CCDC178: variants seen among roughly 807,000 people sequenced by gnomAD.
The protein encoded by CCDC178 is coiled-coil domain containing 178, also known as coiled-coil domain-containing protein 178.
CCDC178 carries 126 observed loss-of-function variants against 117.4 expected under a neutral mutation model. That is an observed-to-expected ratio of 1.07 (90% CI 0.93 to 1.24). The LOEUF is 1.24. Among genes scored for constraint, CCDC178 ranks in the 50% most tolerant of loss-of-function variants. CCDC178 has a pLI of 0.00. For missense variants in CCDC178, 1,030 were observed against 986.9 expected, an observed-to-expected ratio of 1.04 and a Z score of -0.59; for synonymous variants, 283 against 313.4, an observed-to-expected ratio of 0.90 and a Z score of 1.02.
At chr18:33,206,218 A>G (rs970138572) in intron 20 of CCDC178, among the ~76,000 whole-genome samples, 6 of 152,182 alleles carry the variant, frequency 3.9e-5, no homozygotes, top group African/African-American at 1.4e-4. Flanking sequence ...TGCGATCACT[A>G]TATATTTAAA....
chr18:33,434,781 A>C (rs542474000), intron 2 of CCDC178, among the ~76,000 whole-genome samples: 1 of 152,214 alleles, frequency 6.6e-6, no homozygotes, highest in East Asian at 1.9e-4. Flanking sequence ...AATGATTCCC[A>C]TCATCATAAG....
intron 6 of CCDC178, among the ~76,000 whole-genome samples, chr18:33,358,326 G>A (rs554634363): frequency 4.0e-5 from 6 of 151,876 alleles, no homozygotes; most frequent in East Asian, 3.9e-4. Context: ...ATATGGAAGA[G>A]CACTGCATCA....
In CCDC178 at chr18:33,266,958, A is replaced by T. The variant is rs781169337; in HGVS notation, c.1367T>A (p.Leu456His). The T allele has an allele frequency of 2.9e-5, 46 of 1,589,708 alleles. No individual in the cohort carries two copies. The South Asian group carries it at 4.8e-4, about 16-fold the overall frequency. ...TGTTATTTTGTTAATATCAATCTCA[A>T]GTTTTTTATTGTCTTCCGTCAGTTT... ...CTKLTEDNKK[L>H]EIDINKITVK... Residue 456 changes from leucine (L) to histidine (H), a missense_variant, in exon 14 of 23, where the codon CTT becomes CAT. Leu to His is a moderately conservative substitution (Grantham distance 99). Coordinates refer to ENST00000383096, the MANE Select transcript of CCDC178 (RefSeq NM_001105528.4).
intron 3 of CCDC178, among the ~76,000 whole-genome samples, chr18:33,408,723 C>A (rs1165920456): frequency 6.6e-6 from 1 of 152,092 alleles, no homozygotes; most frequent in Non-Finnish European, 1.5e-5. Flanking sequence ...AAAATTCATT[C>A]TCTGCCTGTT....
chr18:33,266,909 A>C lies in CCDC178; in HGVS notation c.1409+7T>G. On this transcript the variant is annotated splice_region_variant and intron_variant, in intron 14 of 22. Transcript: ENST00000383096. ...GTATATAAGAAGAAAAGTATTTGCA[A>C]ATTTACCTTTCATTGGTTTTTACTG... The C allele has an allele frequency of 1.9e-6, 3 of 1,551,976 alleles. No homozygotes were observed. Among genetic ancestry groups the C allele is most frequent in the Non-Finnish European group, 2.6e-6 (3 of 1,147,134 alleles).
At chr18:32,965,102 CA>C (rs1337305799) in intron 22 of CCDC178, among the ~76,000 whole-genome samples, 1 of 151,890 alleles carries the variant, frequency 6.6e-6, no homozygotes, top group Non-Finnish European at 1.5e-5. Context: ...ATTTACCTAA[CA>C]AATGAATTGT....
chr18:33,179,963 T>C (rs987100008), intron 20 of CCDC178, among the ~76,000 whole-genome samples: 9 of 152,014 alleles, frequency 5.9e-5, no homozygotes, highest in African/African-American at 2.2e-4. Flanking sequence ...ATAAATATAT[T>C]ACGCTGCAAA....
rs538701848 is a variant in CCDC178, at chr18:33,097,537, G to A, written c.2239-4627C>T. Among the ~76,000 whole-genome samples, 12 of 152,158 alleles carry A rather than the reference G, an allele frequency of 7.9e-5. No homozygotes were observed. The South Asian group carries it at 2.5e-3, about 32-fold the overall frequency. On this transcript the variant is annotated intron_variant, in intron 20 of 22. Transcript: ENST00000383096. ...AAGCAACTGAAATGCCAGATATCTT[G>A]TGCAAGTTTGCACAGCTATTAGGCA... is the stretch of plus-strand genomic sequence containing the variant.
chr18:33,022,813 C>T (rs1433271947), intron 21 of CCDC178, among the ~76,000 whole-genome samples: 1 of 152,012 alleles, frequency 6.6e-6, no homozygotes, highest in Non-Finnish European at 1.5e-5. Context: ...ATTAAAAAGA[C>T]ATGACTCAAC....
At chr18:33,141,833 C>A (rs921407246) in intron 20 of CCDC178, among the ~76,000 whole-genome samples, 3 of 152,192 alleles carry the variant, frequency 2.0e-5, no homozygotes, top group African/African-American at 7.2e-5. Flanking sequence ...ATGTAAGTTT[C>A]ATGAGCATGT....
chr18:33,003,425 G>A (rs2055682707), intron 21 of CCDC178, among the ~76,000 whole-genome samples: 1 of 151,976 alleles, frequency 6.6e-6, no homozygotes, highest in Admixed American at 6.6e-5. Flanking sequence ...ACAGAATAAA[G>A]GATGAAAACC....
chr18:33,340,438 T>C (rs895973516), intron 9 of CCDC178, among the ~76,000 whole-genome samples: 4 of 152,190 alleles, frequency 2.6e-5, no homozygotes, highest in Non-Finnish European at 5.9e-5. Flanking sequence ...AAATTCAAGC[T>C]GGCTGCAGAA....
chr18:33,348,400 C>G (rs913201494), intron 8 of CCDC178, among the ~76,000 whole-genome samples: 1 of 151,752 alleles, frequency 6.6e-6, no homozygotes, highest in African/African-American at 2.4e-5. Flanking sequence ...TTTATCACAA[C>G]TTAAATATAT....
At chr18:33,298,194 T>A (rs2062131240) in intron 11 of CCDC178, among the ~76,000 whole-genome samples, 1 of 152,024 alleles carries the variant, frequency 6.6e-6, no homozygotes, top group African/African-American at 2.4e-5. Context: ...TATAAGCCAA[T>A]ATATCTGATG....
chr18:33,269,097 T>C (rs1599079937), intron 12 of CCDC178, among the ~76,000 whole-genome samples: 1 of 151,792 alleles, frequency 6.6e-6, no homozygotes, highest in African/African-American at 2.4e-5. Context: ...TGGTGGTTTT[T>C]ATGGAAACCT....
intron 12 of CCDC178, among the ~76,000 whole-genome samples, chr18:33,279,606 C>A (rs1054699709): frequency 3.0e-4 from 46 of 151,826 alleles, no homozygotes; most frequent in East Asian, 1.2e-3. Flanking sequence ...AAACTACTTT[C>A]AAGTTCATAT....
intron 20 of CCDC178, among the ~76,000 whole-genome samples, chr18:33,183,672 C>T (rs2058756928): frequency 6.6e-6 from 1 of 152,030 alleles, no homozygotes; most frequent in Admixed American, 6.6e-5. Context: ...TCACACAGCT[C>T]ACTGACACTG....
rs560449527 is a variant in CCDC178 at position 32,939,003 on chromosome 18, G to A, written c.2524-912C>T. On this transcript the variant is annotated intron_variant, in intron 22 of 22. Coordinates refer to ENST00000383096, the MANE Select transcript of CCDC178 (RefSeq NM_001105528.4). ...GCGGTTTTTTGGGTAATTATCATAC[G>A]TCTCATCCCTTCAGTGCTATTTATA... 1.1e-4 allele frequency among the ~76,000 whole-genome samples: 17 copies of A among 152,046 alleles called. No individual in the cohort carries two copies. The South Asian group carries it at 3.3e-3, about 30-fold the overall frequency.
chr18:33,420,820 T>C (rs527452732), intron 2 of CCDC178, among the ~76,000 whole-genome samples: 1 of 152,020 alleles, frequency 6.6e-6, no homozygotes, highest in African/African-American at 2.4e-5. Context: ...TATAAAAAGC[T>C]TAAAATAAAG....
Sources: allele counts gnomAD v4.1 joint callset (sites outside exome capture counted in the v4.1 genomes callset), GRCh38; gene constraint gnomAD v4.1.1; transcripts MANE v1.5; gene names NCBI Gene and HGNC (gene_info 2026-07-23, HGNC 2026-07-21).